TBC1D5: variants seen among roughly 807,000 people sequenced by gnomAD.
TBC1D5 encodes TBC1 domain family member 5, also known as TBC1 domain family, member 5.
In TBC1D5, 75 loss-of-function variants were observed where a neutral mutation model predicts 100.3. That is an observed-to-expected ratio of 0.75 (90% CI 0.62 to 0.91). The LOEUF (loss-of-function observed/expected upper bound fraction) is 0.91. TBC1D5 is among the 40% of genes least tolerant of loss of function. The pLI is 0.00. For synonymous variants in TBC1D5, 323 were observed against 325.6 expected, an observed-to-expected ratio of 0.99 and a Z score of 0.09; for missense variants, 910 against 942.4, an observed-to-expected ratio of 0.97 and a Z score of 0.45.
intron 2 of TBC1D5, among the ~76,000 whole-genome samples, chr3:17,517,365 T>C (rs781044025): frequency 2.6e-5 from 4 of 152,226 alleles, no homozygotes; most frequent in Admixed American, 6.5e-5. Flanking sequence ...GTGAGAACTG[T>C]CATAAGTCCT....
chr3:17,654,470 A>G (rs1412840840), intron 1 of TBC1D5, among the ~76,000 whole-genome samples: 1 of 152,200 alleles, frequency 6.6e-6, no homozygotes, highest in Non-Finnish European at 1.5e-5. Flanking sequence ...TAAAAATGAA[A>G]CCCATACATT....
At chr3:17,402,820 G>C (rs2093679832) in intron 8 of TBC1D5, among the ~76,000 whole-genome samples, 1 of 152,058 alleles carries the variant, frequency 6.6e-6, no homozygotes, top group African/African-American at 2.4e-5. Context: ...CAAGTAACTT[G>C]GTTAGAAAGG....
chr3:17,337,280 T>G (rs1199145202), intron 13 of TBC1D5: 1 of 152,112 alleles, frequency 6.6e-6, no homozygotes, highest in African/African-American at 2.4e-5. Flanking sequence ...GAATTACTGC[T>G]CTAAAGGTAG....
At chr3:17,421,182 G>A (rs1036006617) in intron 4 of TBC1D5, among the ~76,000 whole-genome samples, 1 of 152,068 alleles carries the variant, frequency 6.6e-6, no homozygotes, top group Admixed American at 6.5e-5. Flanking sequence ...AAAATAATAC[G>A]TTACTTCGAG....
In TBC1D5 at chr3:17,549,287, C is replaced by T. The variant is rs1262192378; in HGVS notation, c.-35-40682G>A. Reference sequence around the variant, plus strand: ...TTGCACTGCAGCCTGGGCAAGAGAGCGACACTCCATCTCAAAAAAATAAGA... The same window carrying T: ...TTGCACTGCAGCCTGGGCAAGAGAGTGACACTCCATCTCAAAAAAATAAGA... On this transcript the variant is annotated intron_variant, in intron 2 of 21. Transcript: ENST00000253692. Among the ~76,000 whole-genome samples, 8 of 151,994 alleles carry T rather than the reference C, an allele frequency of 5.3e-5. No individual in the cohort carries two copies. In the South Asian group the frequency reaches 1.5e-3, roughly 28 times the overall value.
chr3:17,705,940 C>T, intron 1 of TBC1D5: 4 of 1,217,258 alleles, frequency 3.3e-6, no homozygotes, highest in Non-Finnish European at 4.5e-6. Flanking sequence ...TCCGCTCCTC[C>T]AGCCGCTGCC....
chr3:17,431,269 T>C (rs566994017), intron 3 of TBC1D5, among the ~76,000 whole-genome samples: 3 of 151,518 alleles, frequency 2.0e-5, no homozygotes, highest in Non-Finnish European at 4.4e-5. Context: ...CACATACAAA[T>C]ACAGTATTAA....
At chr3:17,668,655 G>A (rs1351410826) in intron 1 of TBC1D5, among the ~76,000 whole-genome samples, 1 of 152,074 alleles carries the variant, frequency 6.6e-6, no homozygotes, top group Non-Finnish European at 1.5e-5. Context: ...GCCACTTCCA[G>A]TGAGCAAACA....
chr3:17,635,010 T>A (rs202177776), intron 1 of TBC1D5, among the ~76,000 whole-genome samples: 2 of 145,722 alleles, frequency 1.4e-5, no homozygotes, highest in Non-Finnish European at 3.0e-5. Flanking sequence ...AACAAAAAAA[T>A]TTACAAAAAT....
chr3:17,470,675 A>G (rs2095362186), intron 3 of TBC1D5, among the ~76,000 whole-genome samples: 1 of 152,134 alleles, frequency 6.6e-6, no homozygotes, highest in African/African-American at 2.4e-5. Flanking sequence ...TAATCCCAGC[A>G]CTTTGGGAGG....
intron 2 of TBC1D5, among the ~76,000 whole-genome samples, chr3:17,535,187 A>AT (rs1362805811): frequency 6.6e-6 from 1 of 152,156 alleles, no homozygotes; most frequent in Non-Finnish European, 1.5e-5. Context: ...AACAGATACG[A>AT]TTTTCAGGGT....
chr3:17,194,201 A>G (rs1345033065), intron 18 of TBC1D5, among the ~76,000 whole-genome samples: 2 of 152,184 alleles, frequency 1.3e-5, no homozygotes, highest in African/African-American at 4.8e-5. Flanking sequence ...TTACTTCTGA[A>G]TATCTCTTCC....
chr3:17,554,763 T>C (rs1372478896), intron 2 of TBC1D5, among the ~76,000 whole-genome samples: 1 of 152,150 alleles, frequency 6.6e-6, no homozygotes, highest in African/African-American at 2.4e-5. Context: ...CTAAAATCTT[T>C]CCATGCTTGT....
At chr3:17,600,199 C>CT (rs946160267) in intron 2 of TBC1D5, among the ~76,000 whole-genome samples, 1 of 143,688 alleles carries the variant, frequency 7.0e-6, no homozygotes, top group Admixed American at 6.9e-5. Context: ...GTTGTGATCT[C>CT]TATGATTCAT....
intron 3 of TBC1D5, among the ~76,000 whole-genome samples, chr3:17,470,047 C>T (rs949697421): frequency 6.6e-6 from 1 of 152,188 alleles, no homozygotes; most frequent in South Asian, 2.1e-4. Flanking sequence ...TCCCTACACT[C>T]CTACACTGCG....
At chr3:17,374,270 T>A (rs577850903) in intron 12 of TBC1D5, among the ~76,000 whole-genome samples, 48 of 152,226 alleles carry the variant, frequency 3.2e-4, no homozygotes, top group Non-Finnish European at 4.1e-4. Context: ...TTATATGAAA[T>A]TTTTACAATT....
exon 22 of TBC1D5, chr3:17,159,446 G>A (rs544143529): frequency 1.3e-5 from 2 of 152,338 alleles, no homozygotes; most frequent in Admixed American, 6.5e-5. Flanking sequence ...TCCACTGCCC[G>A]GCTGCCTCGC....
chr3:17,580,696 C>T (rs1466685818), intron 2 of TBC1D5, among the ~76,000 whole-genome samples: 2 of 152,168 alleles, frequency 1.3e-5, no homozygotes, highest in Admixed American at 1.3e-4. Flanking sequence ...TAAGCTGCCA[C>T]CTGTTTCTCC....
At chr3:17,249,714 C>T (rs748689938) in intron 16 of TBC1D5, among the ~76,000 whole-genome samples, 19 of 152,224 alleles carry the variant, frequency 1.2e-4, no homozygotes, top group Admixed American at 3.3e-4. Context: ...TATAGCAACA[C>T]AAAAATGGCC....
Sources: gnomAD v4.1 joint callset for allele counts (sites outside exome capture counted in the v4.1 genomes callset) on GRCh38, gnomAD v4.1.1 for gene constraint, MANE v1.5 for transcripts, NCBI Gene and HGNC (gene_info 2026-07-23, HGNC 2026-07-21) for gene names.